The following CWC25 variants were observed in gnomAD, a reference collection of about 807,000 sequenced individuals.
The protein encoded by CWC25 is pre-mRNA-splicing factor CWC25 homolog.
Under a neutral mutation model 54.6 loss-of-function variants are expected in CWC25, and 31 were observed. That is an observed-to-expected ratio of 0.57 (90% confidence interval 0.43 to 0.77). The LOEUF is 0.77. CWC25 is among the 30% of genes least tolerant of loss of function. The pLI is 0.00. For missense variants in CWC25, 453 were observed against 529.3 expected (o/e 0.86, Z 1.41); for synonymous variants, 151 against 187.0 (o/e 0.81, Z 1.57).
At chr17:38,808,055 C>CAAAAAAAAAAAAAAA (rs61226105) in intron 6 of CWC25, among the ~76,000 whole-genome samples, 1 of 52,760 alleles carries the variant, frequency 1.9e-5, no homozygotes, top group Non-Finnish European at 4.1e-5. Context: ...GACTCCATCT[C>CAAAAAAAAAAAAAAA]AAAAAAAAAA....
intron 2 of CWC25, among the ~76,000 whole-genome samples, chr17:38,816,983 C>T (rs941994499): frequency 1.4e-5 from 2 of 139,676 alleles, no homozygotes; most frequent in African/African-American, 6.1e-5. Flanking sequence ...TGCCTGGCCC[C>T]AAGACCCTTT....
intron 2 of CWC25, among the ~76,000 whole-genome samples, chr17:38,817,119 T>C (rs1329199149): frequency 6.7e-6 from 1 of 150,238 alleles, no homozygotes; most frequent in East Asian, 2.0e-4. Flanking sequence ...GACAGGCTGA[T>C]CACGAGGTCA....
At chr17:38,817,312 C>T (rs893849160) in intron 2 of CWC25, among the ~76,000 whole-genome samples, 2 of 149,458 alleles carry the variant, frequency 1.3e-5, no homozygotes, top group Non-Finnish European at 3.0e-5. Flanking sequence ...TGTACTCCAA[C>T]GCAGGTGACA....
intron 9 of CWC25, 64 bp from the exon 10 acceptor site, chr17:38,802,270 G>A: frequency 8.9e-7 from 1 of 1,119,386 alleles, no homozygotes; most frequent in Non-Finnish European, 1.3e-6. Flanking sequence ...TATTCTGGCA[G>A]CTTCAGAAGA....
In CWC25 at chr17:38,825,175, G is replaced by A. The variant is rs1912093218; in HGVS notation, c.9C>T (p.Gly3=). Residue 3 remains glycine, a synonymous_variant, in exon 1 of 10, where the codon GGC becomes GGT. Coordinates refer to ENST00000614790, the MANE Select transcript of CWC25 (RefSeq NM_017748.5). The part of the protein sequence containing the change: MG[G]GDLNLKKSWH... Reference sequence around the variant, plus strand: ...GCCTCCCTCCACTCACCAGGTCTCCGCCCCCCATGACGGTGGAGACGATTC... The same window carrying A: ...GCCTCCCTCCACTCACCAGGTCTCCACCCCCCATGACGGTGGAGACGATTC... 5.2e-6 allele frequency: 8 copies of A among 1,551,556 alleles called. No individual in the cohort carries two copies. The highest frequency in any genetic ancestry group is 4.2e-5 in the African/African-American group (3 of 72,014).
In CWC25 at chr17:38,807,316, C is replaced by G. The variant is rs566287870; in HGVS notation, c.691-340G>C. Among the ~76,000 whole-genome samples, 2 of 76,928 alleles carry G rather than the reference C, an allele frequency of 2.6e-5. 1 individual carries two copies. The highest frequency in any genetic ancestry group is 5.4e-5 in the Non-Finnish European group (2 of 37,114). The allele number at this position is 76,928 out of a possible 152,430, so 50.5% of individuals were successfully genotyped here. On this transcript the variant is annotated intron_variant, in intron 6 of 9. Coordinates refer to ENST00000614790, the MANE Select transcript of CWC25 (RefSeq NM_017748.5). ...CCAGCCTGGATGACAGAGCGAGACTCCGTCTCAAAAAAAAAAAAAAAAAAA... is the reference window on the plus strand; with the variant it reads ...CCAGCCTGGATGACAGAGCGAGACTGCGTCTCAAAAAAAAAAAAAAAAAAA...
intron 1 of CWC25, among the ~76,000 whole-genome samples, chr17:38,824,301 C>T (rs1247531191): frequency 6.6e-6 from 1 of 152,158 alleles, no homozygotes; most frequent in Non-Finnish European, 1.5e-5. Context: ...GGTATGAATT[C>T]AAAAGCAAGC....
chr17:38,806,647 C>T (rs1000075967), intron 7 of CWC25, 118 bp downstream of exon 7: 2 of 982,280 alleles, frequency 2.0e-6, no homozygotes, highest in Non-Finnish European at 2.9e-6. Flanking sequence ...AAAGGAAATA[C>T]CAAAGCAAAG....
intron 6 of CWC25, among the ~76,000 whole-genome samples, chr17:38,809,256 T>C (rs1381300586): frequency 2.0e-5 from 3 of 151,110 alleles, no homozygotes; most frequent in African/African-American, 4.9e-5. Context: ...GACGAAACCC[T>C]GTCTCTACTA....
At chr17:38,811,382 A>G (rs1329598967) in intron 4 of CWC25, among the ~76,000 whole-genome samples, 1 of 151,172 alleles carries the variant, frequency 6.6e-6, no homozygotes, top group Non-Finnish European at 1.5e-5. Context: ...AAATACAAAA[A>G]ATTAGCTGGG....
chr17:38,816,657 T>C lies in CWC25; in HGVS notation c.192-1560A>G, dbSNP rs1046219074. Among the ~76,000 whole-genome samples, 5 of 151,652 alleles carry C rather than the reference T, an allele frequency of 3.3e-5. No individual in the cohort carries two copies. The East Asian group carries it at 9.7e-4, about 29-fold the overall frequency. ...CATGCTTGGACATTTTTGGTAAGAA[T>C]AATTTAAACCAACACTGCAGGGCCA... On this transcript the variant is annotated intron_variant, in intron 2 of 9. Coordinates refer to ENST00000614790, the MANE Select transcript of CWC25 (RefSeq NM_017748.5).
intron 2 of CWC25, 101 bp downstream of exon 2, chr17:38,820,800 C>G (rs1454994097): frequency 1.0e-5 from 14 of 1,351,314 alleles, no homozygotes; most frequent in Non-Finnish European, 1.0e-6. Context: ...CATTACAACC[C>G]ATGCCCTTAA....
At chr17:38,815,832 C>T (rs1184775262) in intron 2 of CWC25, 11 of 387,048 alleles carry the variant, frequency 2.8e-5, no homozygotes, top group Admixed American at 2.8e-4. Flanking sequence ...GATTGTGCAT[C>T]TTGGTGCTTG....
chr17:38,819,591 C>T (rs1002609806), intron 2 of CWC25, among the ~76,000 whole-genome samples: 3 of 150,552 alleles, frequency 2.0e-5, no homozygotes, highest in African/African-American at 4.9e-5. Context: ...AGGCTGGTCT[C>T]GAAATCCTGA....
Position 38,825,175 on chromosome 17 carries a change from G to GC in CWC25, c.8dup (p.Gly4ArgfsTer28). On this transcript the variant is annotated frameshift_variant, in exon 1 of 10. Transcript: ENST00000614790. LOFTEE classifies it high-confidence loss of function. ...GCCTCCCTCCACTCACCAGGTCTCC[G>GC]CCCCCCATGACGGTGGAGACGATTC... The GC allele has an allele frequency of 6.4e-7, 1 of 1,551,558 alleles. No homozygotes were observed. The highest frequency in any genetic ancestry group is 8.7e-7 in the Non-Finnish European group (1 of 1,148,890).
chr17:38,806,274 A>C, intron 8 of CWC25, 23 bp downstream of exon 8: 1 of 1,587,552 alleles, frequency 6.3e-7, no homozygotes, highest in Non-Finnish European at 8.6e-7. Flanking sequence ...AAATGTGGTT[A>C]ATCAACTGGG....
At chr17:38,812,053 C>G (rs1911512182) in intron 4 of CWC25, among the ~76,000 whole-genome samples, 1 of 151,982 alleles carries the variant, frequency 6.6e-6, no homozygotes, top group Non-Finnish European at 1.5e-5. Flanking sequence ...AGTCTCCTGC[C>G]TCATCCTCCC....
chr17:38,818,672 G>C (rs1464146918), intron 2 of CWC25, among the ~76,000 whole-genome samples: 1 of 139,442 alleles, frequency 7.2e-6, no homozygotes, highest in Non-Finnish European at 1.6e-5. Context: ...TAGCAGTAAA[G>C]ACCAAAAAGA....
At chr17:38,806,479 G>T in intron 7 of CWC25, 84 bp from the exon 8 acceptor site, 1 of 1,167,266 alleles carries the variant, frequency 8.6e-7, no homozygotes, top group Non-Finnish European at 1.3e-6. Context: ...TGCAAGATGA[G>T]CTAATGGTCT....
Sources: allele counts gnomAD v4.1 joint callset (sites outside exome capture counted in the v4.1 genomes callset), GRCh38; gene constraint gnomAD v4.1.1; transcripts MANE v1.5; gene names NCBI Gene and HGNC (gene_info 2026-07-23, HGNC 2026-07-21).